Variants in TENM1 observed in about 807,000 individuals in gnomAD.
The protein encoded by TENM1 is teneurin-1.
A neutral mutation model predicts 174.8 loss-of-function variants in TENM1; 35 were observed. That is an observed-to-expected ratio of 0.20 (90% CI 0.15 to 0.27). The LOEUF (loss-of-function observed/expected upper bound fraction) is 0.27, where lower values mean the gene tolerates loss of function less well. Among genes scored for constraint, TENM1 ranks in the 10% least tolerant of loss-of-function variants. The pLI, the probability that TENM1 is intolerant of heterozygous loss-of-function variation, is 1.00. For missense variants in TENM1, 1,633 were observed against 2,130.1 expected, an observed-to-expected ratio of 0.77 and a Z score of 4.59; for synonymous variants, 781 against 798.7, an observed-to-expected ratio of 0.98 and a Z score of 0.37.
chrX:124,880,681 A>G (rs1374179064), intron 3 of TENM1, among the ~76,000 whole-genome samples: 1 of 111,139 alleles, frequency 9.0e-6, no homozygotes, highest in African/African-American at 3.3e-5. Context: ...AACCTTTATT[A>G]TGTTGAGGTG....
intron 10 of TENM1, 117 bp from the exon 14 acceptor site, chrX:124,642,108 T>C: frequency 3.6e-6 from 2 of 551,585 alleles, no homozygotes; most frequent in Admixed American, 5.3e-5. Context: ...TCATCAATGC[T>C]GCTTTAATTA....
the TENM1 span, among the ~76,000 whole-genome samples, chrX:125,117,000 G>C: frequency 1.2e-5 from 1 of 84,585 alleles, no homozygotes; most frequent in Non-Finnish European, 2.1e-5. Flanking sequence ...GACAGTGCAA[G>C]ACTCTGTCTC....
the TENM1 span, among the ~76,000 whole-genome samples, chrX:125,182,452 GC>G: frequency 5.9e-5 from 5 of 84,938 alleles, no homozygotes; most frequent in African/African-American, 2.0e-4. Context: ...TTTTCGGCGG[GC>G]GGGGGGGGGG....
At chrX:124,596,582 T>C (rs1232276022) in intron 11 of TENM1, among the ~76,000 whole-genome samples, 3 of 112,017 alleles carry the variant, frequency 2.7e-5, no homozygotes, top group Non-Finnish European at 5.6e-5. Context: ...TGACCATTTT[T>C]AGGCATTGGC....
At chrX:124,647,530 T>C (rs1340812169) in intron 8 of TENM1, among the ~76,000 whole-genome samples, 4 of 111,608 alleles carry the variant, frequency 3.6e-5, no homozygotes, top group Non-Finnish European at 7.5e-5. Context: ...GACATAAATA[T>C]GTACCGTGCA....
intron 1 of TENM1, among the ~76,000 whole-genome samples, chrX:124,931,018 A>C (rs2058162251): frequency 9.0e-6 from 1 of 111,650 alleles, no homozygotes; most frequent in Admixed American, 9.5e-5. Flanking sequence ...GCATGTGGCG[A>C]CTGGCAGTCC....
intron 23 of TENM1, among the ~76,000 whole-genome samples, chrX:124,439,356 A>T (rs2060879943): frequency 8.9e-6 from 1 of 112,399 alleles, no homozygotes; most frequent in African/African-American, 3.2e-5. Flanking sequence ...ATGATCTAAC[A>T]TCTTACATTC....
rs73558345 is a variant in TENM1 at position 124,615,551 on chromosome X, T to A, written c.2077+26240A>T. Among the ~76,000 whole-genome samples the A allele has an allele frequency of 8.7e-3, 978 of 112,480 alleles. 8 individuals carry two copies. Among genetic ancestry groups the A allele is most frequent in the African/African-American group, 0.03 (941 of 31,007 alleles). ...GCCATACAAAAGTAAGGTTCCGTTA[T>A]TTTTAGATGAAACATCTTACAAAAA... On this transcript the variant is annotated intron_variant, in intron 11 of 31. Coordinates refer to ENST00000422452, the Ensembl canonical transcript of TENM1.
At chrX:124,564,758 T>A (rs2048903897) in intron 12 of TENM1, among the ~76,000 whole-genome samples, 1 of 112,017 alleles carries the variant, frequency 8.9e-6, no homozygotes, top group Non-Finnish European at 1.9e-5. Context: ...AATTATTACA[T>A]AGGCTTTTCC....
chrX:125,028,449 A>C, the TENM1 span, among the ~76,000 whole-genome samples: 1 of 112,022 alleles, frequency 8.9e-6, no homozygotes, highest in Non-Finnish European at 1.9e-5. Flanking sequence ...CAAAAACTAC[A>C]TGTTCTTTCT....
chrX:124,460,486 C>T (rs182269791), intron 22 of TENM1, among the ~76,000 whole-genome samples: 12 of 110,832 alleles, frequency 1.1e-4, no homozygotes, highest in African/African-American at 3.6e-4. Flanking sequence ...GAACAGAAAA[C>T]CAAATACCAC....
the TENM1 span, among the ~76,000 whole-genome samples, chrX:125,107,270 T>C: frequency 8.9e-6 from 1 of 112,215 alleles, no homozygotes; most frequent in African/African-American, 3.2e-5. Flanking sequence ...TAATGCATGA[T>C]TGAAATATTT....
the TENM1 span, among the ~76,000 whole-genome samples, chrX:125,152,170 T>C: frequency 9.2e-6 from 1 of 108,767 alleles, no homozygotes. Flanking sequence ...CACAAGAATA[T>C]GTTGAACCCG....
intron 3 of TENM1, among the ~76,000 whole-genome samples, chrX:124,822,284 A>G (rs2056055485): frequency 8.9e-6 from 1 of 112,532 alleles, no homozygotes; most frequent in Admixed American, 9.4e-5. Context: ...CTGCATAGTG[A>G]CAGACTGTGT....
At chrX:124,588,652 C>T (rs2049626868) in intron 11 of TENM1, among the ~76,000 whole-genome samples, 1 of 110,149 alleles carries the variant, frequency 9.1e-6, no homozygotes, top group African/African-American at 3.3e-5. Context: ...TGTAACTAAC[C>T]TGCACATTGT....
chrX:124,766,523 C>A (rs1324733865), intron 3 of TENM1, among the ~76,000 whole-genome samples: 4 of 111,143 alleles, frequency 3.6e-5, no homozygotes, highest in Non-Finnish European at 5.7e-5. Flanking sequence ...TACCATGTTG[C>A]CTATTAAACT....
At chrX:124,822,890 CT>C (rs1336797533) in intron 3 of TENM1, among the ~76,000 whole-genome samples, 2 of 112,020 alleles carry the variant, frequency 1.8e-5, no homozygotes, top group Non-Finnish European at 3.8e-5. Flanking sequence ...ATGCAAAAAA[CT>C]TTTACCTACA....
At chrX:124,518,970 G>A (rs1190299600) in intron 18 of TENM1, among the ~76,000 whole-genome samples, 2 of 112,137 alleles carry the variant, frequency 1.8e-5, no homozygotes, top group Non-Finnish European at 3.8e-5. Flanking sequence ...TTCTCTAAGA[G>A]GAACCTGAAT....
intron 3 of TENM1, among the ~76,000 whole-genome samples, chrX:124,794,922 C>T (rs749916239): frequency 2.7e-5 from 3 of 111,250 alleles, no homozygotes; most frequent in Non-Finnish European, 3.8e-5. Context: ...TCTTCCTGCC[C>T]TCACCATCCA....
Sources: gnomAD v4.1 joint callset for allele counts (sites outside exome capture counted in the v4.1 genomes callset) on GRCh38, gnomAD v4.1.1 for gene constraint, MANE v1.5 for transcripts, NCBI Gene and HGNC (gene_info 2026-07-23, HGNC 2026-07-21) for gene names.